Variants in EIF3H observed in about 807,000 individuals in gnomAD.
The protein encoded by EIF3H is eukaryotic translation initiation factor 3 subunit H, also known as eIF-3-gamma.
Under a neutral mutation model 44.2 loss-of-function variants are expected in EIF3H, and 26 were observed. That is an observed-to-expected ratio of 0.59 (90% CI 0.43 to 0.82). The LOEUF is 0.82. Ranked by LOEUF, EIF3H falls within the 40% of genes least tolerant of loss-of-function variation. The probability of loss-of-function intolerance (pLI) is 0.00; values close to 1 mark genes in which losing one functional copy is unlikely to be tolerated. For synonymous variants in EIF3H, 166 were observed against 151.9 expected (o/e 1.09, Z -0.68); for missense variants, 359 against 432.8 (o/e 0.83, Z 1.51).
intron 6 of EIF3H, among the ~76,000 whole-genome samples, chr8:116,647,167 CCTCCGCCT>C (rs1563631390): frequency 1.3e-5 from 2 of 151,748 alleles, no homozygotes; most frequent in African/African-American, 2.4e-5. Context: ...CTCACTGCAG[CCTCCGCCT>C]CTCCGCCTCC....
At chr8:116,725,077 G>T (rs1814812551) in intron 2 of EIF3H, among the ~76,000 whole-genome samples, 1 of 152,192 alleles carries the variant, frequency 6.6e-6, no homozygotes, top group Admixed American at 6.5e-5. Context: ...GGTATATACA[G>T]ATGATGAATT....
At chr8:116,705,496 C>A (rs557483227) in intron 2 of EIF3H, among the ~76,000 whole-genome samples, 5 of 126,292 alleles carry the variant, frequency 4.0e-5, no homozygotes, top group African/African-American at 7.8e-5. Context: ...GTTACACCCC[C>A]CCCCACCACC....
chr8:116,749,563 G>A (rs1276981144), intron 1 of EIF3H, among the ~76,000 whole-genome samples: 1 of 152,160 alleles, frequency 6.6e-6, no homozygotes, highest in African/African-American at 2.4e-5. Flanking sequence ...AAGTTTAACG[G>A]GAAGAATTAG....
At chr8:116,708,595 A>G (rs966482220) in intron 2 of EIF3H, among the ~76,000 whole-genome samples, 1 of 152,138 alleles carries the variant, frequency 6.6e-6, no homozygotes, top group Non-Finnish European at 1.5e-5. Context: ...AGCAAATTAA[A>G]TTCTGTGATT....
chr8:116,752,077 A>G (rs1294103677), intron 1 of EIF3H, among the ~76,000 whole-genome samples: 7 of 152,238 alleles, frequency 4.6e-5, no homozygotes. Context: ...TAAGTGGCCT[A>G]AAAGGAAGGA....
At chr8:116,651,906 T>C (rs1813400008) in intron 5 of EIF3H, among the ~76,000 whole-genome samples, 1 of 152,148 alleles carries the variant, frequency 6.6e-6, no homozygotes, top group African/African-American at 2.4e-5. Flanking sequence ...AGGAGTAATA[T>C]GAGCATCTAA....
upstream of EIF3H, among the ~76,000 whole-genome samples, chr8:116,758,240 G>A (rs1280621711): frequency 6.6e-6 from 1 of 152,038 alleles, no homozygotes; most frequent in Non-Finnish European, 1.5e-5. Context: ...GCAAAATTCA[G>A]AGAAAAGAAA....
chr8:116,685,299 G>C (rs1342814218), intron 2 of EIF3H, among the ~76,000 whole-genome samples: 1 of 152,174 alleles, frequency 6.6e-6, no homozygotes, highest in East Asian at 1.9e-4. Flanking sequence ...TGCAATGTGA[G>C]AGCTGCAATC....
At chr8:116,671,225 T>A (rs1813747823) in intron 2 of EIF3H, among the ~76,000 whole-genome samples, 1 of 152,202 alleles carries the variant, frequency 6.6e-6, no homozygotes, top group African/African-American at 2.4e-5. Flanking sequence ...TTGTTTGTCA[T>A]CCCCTAACGC....
Position 116,680,703 on chromosome 8 carries a change from G to A in EIF3H, c.290-21723C>T, listed in dbSNP as rs1795657771. ...CACAAACACTGCGGAAGGCCGCAGG[G>A]TCCTCTGCCTAGGAAAACCAGAGAC... On this transcript the variant is annotated intron_variant, in intron 2 of 7. Transcript: ENST00000521861. Among the ~76,000 whole-genome samples, 5 of 138,242 alleles carry A rather than the reference G, an allele frequency of 3.6e-5. No individual in the cohort carries two copies. The South Asian group carries it at 1.2e-3, about 34-fold the overall frequency. The allele number at this position is 138,242 out of a possible 152,430, so 90.7% of individuals were successfully genotyped here.
intron 2 of EIF3H, among the ~76,000 whole-genome samples, chr8:116,702,278 A>G (rs1227936004): frequency 6.6e-6 from 1 of 152,198 alleles, no homozygotes; most frequent in African/African-American, 2.4e-5. Flanking sequence ...GCATAACGGG[A>G]GAAGAAATGG....
chr8:116,666,773 A>AAAAAAG (rs1368449715), intron 2 of EIF3H, among the ~76,000 whole-genome samples: 12 of 151,264 alleles, frequency 7.9e-5, no homozygotes, highest in African/African-American at 2.9e-4. Flanking sequence ...AAAAAAAAAA[A>AAAAAAG]AAATTACACT....
At chr8:116,669,745 A>T (rs1052514865) in intron 2 of EIF3H, among the ~76,000 whole-genome samples, 1 of 152,222 alleles carries the variant, frequency 6.6e-6, no homozygotes, top group African/African-American at 2.4e-5. Flanking sequence ...TAACCTAAAG[A>T]AGTGGAAGAT....
chr8:116,699,166 C>T lies in EIF3H; in HGVS notation c.289+26850G>A, dbSNP rs778410550. Among the ~76,000 whole-genome samples, 12 of 152,070 alleles carry T rather than the reference C, an allele frequency of 7.9e-5. No homozygotes were observed. In the South Asian group the frequency reaches 8.3e-4, roughly 11 times the overall value. On this transcript the variant is annotated intron_variant, in intron 2 of 7. Coordinates refer to ENST00000521861, the MANE Select transcript of EIF3H (RefSeq NM_003756.3). Reference sequence around the variant, plus strand: ...AAAAAAAAAATTGAATACACACATACCCACATATTTACTTGGGTGTACATG... The same window carrying T: ...AAAAAAAAAATTGAATACACACATATCCACATATTTACTTGGGTGTACATG...
At chr8:116,686,437 A>G (rs1814078968) in intron 2 of EIF3H, among the ~76,000 whole-genome samples, 1 of 152,102 alleles carries the variant, frequency 6.6e-6, no homozygotes. Flanking sequence ...CATCCATATT[A>G]CAATAAAAAT....
At chr8:116,684,230 A>G (rs1030344917) in intron 2 of EIF3H, among the ~76,000 whole-genome samples, 1 of 152,236 alleles carries the variant, frequency 6.6e-6, no homozygotes, top group Non-Finnish European at 1.5e-5. Flanking sequence ...GGAGAGGGCC[A>G]AGATGAAACT....
At chr8:116,759,703 T>C (rs1313496089), upstream of EIF3H, among the ~76,000 whole-genome samples, 1 of 151,972 alleles carries the variant, frequency 6.6e-6, no homozygotes, top group Non-Finnish European at 1.5e-5. Context: ...TGGGGTGTGT[T>C]TGTGTATGTG....
In EIF3H at chr8:116,726,097, G is replaced by A. The variant is rs751916402; in HGVS notation, c.208C>T (p.Leu70=). The A allele has an allele frequency of 1.2e-6, 2 of 1,614,070 alleles. No homozygotes were observed. Among genetic ancestry groups the A allele is most frequent in the Non-Finnish European group, 1.7e-6 (2 of 1,179,956 alleles). The change falls in exon 2 of 8, where the codon CTG becomes TTG. Residue 70 remains leucine (L), a synonymous_variant. Coordinates refer to ENST00000521861, the MANE Select transcript of EIF3H (RefSeq NM_003756.3). Reference sequence around the variant, plus strand: ...ATTTCAAGCCGATCTTCTACAACCAGACCCAAAAGCACTCCTTGAACAACT... The same window carrying A: ...ATTTCAAGCCGATCTTCTACAACCAAACCCAAAAGCACTCCTTGAACAACT... ...TEVVQGVLLG[L]VVEDRLEITN... is the part of the protein sequence containing the mutation.
intron 2 of EIF3H, among the ~76,000 whole-genome samples, chr8:116,693,034 AC>A (rs1225134273): frequency 6.6e-6 from 1 of 152,150 alleles, no homozygotes; most frequent in Non-Finnish European, 1.5e-5. Flanking sequence ...ATTTTTTATA[AC>A]CCAAATCTTT....
Sources: allele counts gnomAD v4.1 joint callset (sites outside exome capture counted in the v4.1 genomes callset), GRCh38; gene constraint gnomAD v4.1.1; transcripts MANE v1.5; gene names NCBI Gene and HGNC (gene_info 2026-07-23, HGNC 2026-07-21).